KAZN: variants seen among roughly 807,000 people sequenced by gnomAD.
KAZN encodes kazrin.
KAZN carries 40 observed loss-of-function variants against 87.4 expected under a neutral mutation model. The observed-to-expected ratio is 0.46, with a 90% CI of 0.36 to 0.60. KAZN has a LOEUF of 0.60. KAZN is among the 20% of genes least tolerant of loss of function. The probability of loss-of-function intolerance (pLI) is 0.00; values close to 1 mark genes in which losing one functional copy is unlikely to be tolerated. For missense variants in KAZN, 898 were observed against 1,073.9 expected, an observed-to-expected ratio of 0.84 and a Z score of 2.29; for synonymous variants, 466 against 458.3, an observed-to-expected ratio of 1.02 and a Z score of -0.22.
intron 1 of KAZN, among the ~76,000 whole-genome samples, chr1:14,712,774 G>A (rs1424295001): frequency 2.6e-5 from 4 of 152,198 alleles, no homozygotes; most frequent in African/African-American, 9.7e-5. Context: ...TGGGCAGGCT[G>A]GAACATTCCC....
intron 1 of KAZN, among the ~76,000 whole-genome samples, chr1:14,009,778 C>T (rs1640202925): frequency 6.6e-6 from 1 of 152,144 alleles, no homozygotes; most frequent in Non-Finnish European, 1.5e-5. Flanking sequence ...GTCTTCTGCC[C>T]TGGGCTAGTT....
At chr1:14,540,035 G>A (rs1427673094) in intron 2 of KAZN, among the ~76,000 whole-genome samples, 3 of 152,166 alleles carry the variant, frequency 2.0e-5, no homozygotes, top group African/African-American at 7.2e-5. Context: ...ATTACTAGGG[G>A]AGAGAGGGAT....
intron 1 of KAZN, among the ~76,000 whole-genome samples, chr1:14,931,450 A>T (rs1044659272): frequency 8.2e-5 from 10 of 121,736 alleles, no homozygotes; most frequent in Non-Finnish European, 1.6e-4. Flanking sequence ...CTCTGTCTTT[A>T]AAAAAAAAGA....
At position 15,088,297 on chromosome 1, in the gene KAZN, G is replaced by A. The variant is rs571434383; in HGVS notation, c.1223-5883G>A. The stretch of plus-strand genomic sequence containing the variant: ...CGTAGTCTGCTGACCTCTATGCTGG[G>A]CCAACACAATTGCCTCTGTAAGGCC... On this transcript the variant is annotated intron_variant, in intron 8 of 14. Coordinates refer to ENST00000376030, the MANE Select transcript of KAZN (RefSeq NM_201628.3). Among the ~76,000 whole-genome samples, 3 of 152,314 alleles carry A rather than the reference G, an allele frequency of 2.0e-5. No homozygotes were observed. The South Asian group carries it at 6.2e-4, about 32-fold the overall frequency.
chr1:14,317,546 T>A (rs1218773295), intron 2 of KAZN, among the ~76,000 whole-genome samples: 1 of 152,018 alleles, frequency 6.6e-6, no homozygotes, highest in Non-Finnish European at 1.5e-5. Context: ...TATATGTGTG[T>A]GCTGAAGTCT....
intron 2 of KAZN, among the ~76,000 whole-genome samples, chr1:14,189,904 G>A (rs557170544): frequency 6.6e-6 from 1 of 152,214 alleles, no homozygotes; most frequent in African/African-American, 2.4e-5. Context: ...CTGCCCTAAA[G>A]CAAGTTTTAT....
intron 2 of KAZN, among the ~76,000 whole-genome samples, chr1:15,018,601 A>AAG (rs1477602672): frequency 4.2e-4 from 3 of 7,072 alleles, no homozygotes; most frequent in Non-Finnish European, 7.5e-4. Context: ...GAGTTGATTT[A>AAG]AAAAAAAAAA....
intron 1 of KAZN, among the ~76,000 whole-genome samples, chr1:14,628,306 C>A (rs1344152588): frequency 6.6e-6 from 1 of 152,132 alleles, no homozygotes; most frequent in African/African-American, 2.4e-5. Flanking sequence ...TCAACACACC[C>A]GCAGCATATA....
intron 1 of KAZN, among the ~76,000 whole-genome samples, chr1:14,688,393 G>A (rs1207978965): frequency 6.6e-6 from 1 of 152,230 alleles, no homozygotes; most frequent in Non-Finnish European, 1.5e-5. Flanking sequence ...CCCTGTGCCA[G>A]GCAGCAGGTG....
intron 1 of KAZN, among the ~76,000 whole-genome samples, chr1:14,155,237 G>A (rs535463884): frequency 6.6e-6 from 1 of 152,192 alleles, no homozygotes; most frequent in Non-Finnish European, 1.5e-5. Context: ...TCAGGTTTTG[G>A]GTTTCATCAT....
intron 2 of KAZN, among the ~76,000 whole-genome samples, chr1:14,428,889 C>G (rs538038465): frequency 1.3e-5 from 2 of 151,990 alleles, no homozygotes; most frequent in African/African-American, 2.4e-5. Context: ...GGTGGGGACA[C>G]AGCCAAACCA....
intron 2 of KAZN, among the ~76,000 whole-genome samples, chr1:14,987,845 G>A (rs568770825): frequency 6.6e-6 from 1 of 152,330 alleles, no homozygotes; most frequent in Admixed American, 6.5e-5. Flanking sequence ...GTAGGGATAC[G>A]GGGCCCAGGC....
intron 2 of KAZN, among the ~76,000 whole-genome samples, chr1:15,018,370 G>A (rs1670336080): frequency 1.3e-5 from 2 of 151,968 alleles, no homozygotes; most frequent in Non-Finnish European, 2.9e-5. Context: ...CCAATTAACG[G>A]GATGGCATCA....
chr1:14,589,732 C>T (rs909875597), intron 2 of KAZN, among the ~76,000 whole-genome samples: 2 of 152,250 alleles, frequency 1.3e-5, no homozygotes, highest in Non-Finnish European at 1.5e-5. Flanking sequence ...GTCTTCATTC[C>T]TCTGGTCTTG....
intron 1 of KAZN, among the ~76,000 whole-genome samples, chr1:14,830,599 T>G (rs576001266): frequency 1.8e-4 from 28 of 152,060 alleles, no homozygotes; most frequent in Non-Finnish European, 3.7e-4. Flanking sequence ...CTCAGGAAAC[T>G]TACAATCATG....
In KAZN at chr1:15,101,615, G is replaced by A. The variant is rs1178350893; in HGVS notation, c.1620G>A (p.Gln540=). The A allele has an allele frequency of 6.4e-7, 1 of 1,558,088 alleles. No homozygotes were observed. The highest frequency in any genetic ancestry group is 8.7e-7 in the Non-Finnish European group (1 of 1,150,494). ...GGCTGAATGACATTGGCCTGTCCCA[G>A]TACTCCCAGGCCTTTCAGAACCACC... is the stretch of plus-strand genomic sequence containing the variant. ...KAWLNDIGLS[Q]YSQAFQNHLV... The change falls in exon 11 of 15, where the codon CAG becomes CAA. Residue 540 remains glutamine (Q), a synonymous_variant. Transcript: ENST00000376030.
intron 2 of KAZN, among the ~76,000 whole-genome samples, chr1:14,428,481 A>T (rs531183479): frequency 6.6e-6 from 1 of 152,368 alleles, no homozygotes; most frequent in Non-Finnish European, 1.5e-5. Flanking sequence ...ATAATTCATT[A>T]TACTGAGCTC....
At chr1:14,960,619 C>T in intron 1 of KAZN, 65 bp from the exon 2 acceptor site, 1 of 1,510,900 alleles carries the variant, frequency 6.6e-7, no homozygotes, top group Non-Finnish European at 8.9e-7. Flanking sequence ...TCAAACCATC[C>T]CCAGAAAATG....
intron 2 of KAZN, among the ~76,000 whole-genome samples, chr1:14,360,639 T>C (rs1659425472): frequency 6.6e-6 from 1 of 152,010 alleles, no homozygotes. Flanking sequence ...TGGATGTCCT[T>C]TTTCTTTGGT....
Sources: gnomAD v4.1 joint callset for allele counts (sites outside exome capture counted in the v4.1 genomes callset) on GRCh38, gnomAD v4.1.1 for gene constraint, MANE v1.5 for transcripts, NCBI Gene and HGNC (gene_info 2026-07-23, HGNC 2026-07-21) for gene names.